Variants in STT3B observed in about 807,000 individuals in gnomAD.
STT3B encodes STT3 oligosaccharyltransferase complex catalytic subunit B, also known as dolichyl-diphosphooligosaccharide--protein glycosyltransferase subunit STT3B.
Under a neutral mutation model 96.8 loss-of-function variants are expected in STT3B, and 29 were observed. The observed-to-expected ratio is 0.30, with a 90% confidence interval of 0.22 to 0.41. The LOEUF (loss-of-function observed/expected upper bound fraction) is 0.41. Ranked by LOEUF, STT3B falls within the 10% of genes least tolerant of loss-of-function variation. The probability of loss-of-function intolerance (pLI) is 1.00; values close to 1 mark genes in which losing one functional copy is unlikely to be tolerated. For missense variants in STT3B, 640 were observed against 1,022.3 expected, an observed-to-expected ratio of 0.63 and a Z score of 5.10; for synonymous variants, 367 against 360.0, an observed-to-expected ratio of 1.02 and a Z score of -0.22.
chr3:31,597,222 C>T (rs778190165), intron 4 of STT3B, among the ~76,000 whole-genome samples: 37 of 152,090 alleles, frequency 2.4e-4, no homozygotes, highest in Admixed American at 2.0e-3. Flanking sequence ...TGCAGTGGCA[C>T]GATCTCAGCT....
In STT3B at chr3:31,541,226, T is replaced by C. The variant is rs115158231; in HGVS notation, c.314+7914T>C. On this transcript the variant is annotated intron_variant, in intron 1 of 15. Transcript: ENST00000295770. The stretch of plus-strand genomic sequence containing the variant: ...GAAGTATGACGCATCCTGAAAAATA[T>C]AAATCTAAAGTATAGTGAACACCCA... Among the ~76,000 whole-genome samples, 129 of 152,252 alleles carry C rather than the reference T, an allele frequency of 8.5e-4. 1 individual carries two copies. Among genetic ancestry groups the C allele is most frequent in the African/African-American group, 2.9e-3 (122 of 41,546 alleles).
intron 13 of STT3B, 97 bp downstream of exon 13, chr3:31,626,224 C>A: frequency 1.8e-6 from 2 of 1,139,230 alleles, no homozygotes; most frequent in South Asian, 1.5e-5. Context: ...TTTCATCATC[C>A]TATCCCTCAG....
intron 1 of STT3B, among the ~76,000 whole-genome samples, chr3:31,558,513 ATCATCCTTGCT>A (rs1475802921): frequency 6.6e-6 from 1 of 152,194 alleles, no homozygotes; most frequent in Admixed American, 6.5e-5. Context: ...TGTCTGTCGA[ATCATCCTTGCT>A]TCCCTGGTAT....
At chr3:31,566,724 T>C (rs1020623950) in intron 1 of STT3B, among the ~76,000 whole-genome samples, 4 of 152,132 alleles carry the variant, frequency 2.6e-5, no homozygotes, top group South Asian at 2.1e-4. Flanking sequence ...CCTTCCTCCT[T>C]CCCTTCTTCC....
At chr3:31,619,186 C>CT (rs1278098568) in intron 8 of STT3B, among the ~76,000 whole-genome samples, 1 of 151,972 alleles carries the variant, frequency 6.6e-6, no homozygotes. Flanking sequence ...CAACATGATG[C>CT]TAAAAGGAAA....
chr3:31,630,530 G>A (rs941158650), intron 14 of STT3B, among the ~76,000 whole-genome samples: 2 of 152,138 alleles, frequency 1.3e-5, no homozygotes, highest in African/African-American at 2.4e-5. Flanking sequence ...CATAATGTGC[G>A]CCGAACGTCT....
chr3:31,545,720 T>C (rs1312516813), intron 1 of STT3B, among the ~76,000 whole-genome samples: 1 of 152,172 alleles, frequency 6.6e-6, no homozygotes, highest in Admixed American at 6.5e-5. Context: ...CATATGTATA[T>C]ATCTGTAAAC....
rs150322361 is a variant in STT3B, at chr3:31,603,098, T to A, written c.877+2639T>A. ...TTCTCTCTCCCCTTGAGCAGAAATG[T>A]TTAGGTAAAAAAAAATAAGGATTGA... On this transcript the variant is annotated intron_variant, in intron 5 of 15. Transcript: ENST00000295770. Among the ~76,000 whole-genome samples the A allele has an allele frequency of 2.4e-3, 358 of 152,276 alleles. 3 individuals carry two copies. Among genetic ancestry groups the A allele is most frequent in the East Asian group, 0.019 (98 of 5,178 alleles).
At position 31,579,930 on chromosome 3, in the gene STT3B, C is replaced by A; in HGVS notation, c.545C>A (p.Ser182Tyr). 6.2e-7 allele frequency: 1 copy of A among 1,613,916 alleles called. No homozygotes were observed. The highest frequency in any genetic ancestry group is 8.5e-7 in the Non-Finnish European group (1 of 1,179,872). Residue 182 changes from serine to tyrosine, a missense_variant, in exon 3 of 16, where the codon TCT becomes TAT. Coordinates refer to ENST00000295770, the MANE Select transcript of STT3B (RefSeq NM_178862.3). ...GCACCAACTTTTAGCGGCCTTACAT[C>A]TATATCTACTTTCCTGCTTACAAGA... ...FLAPTFSGLT[S>Y]ISTFLLTREL...
At chr3:31,590,857 A>C (rs1391886951) in intron 3 of STT3B, among the ~76,000 whole-genome samples, 1 of 152,066 alleles carries the variant, frequency 6.6e-6, no homozygotes. Context: ...GTAAATATTT[A>C]CTATCTTGAC....
intron 9 of STT3B, among the ~76,000 whole-genome samples, chr3:31,621,002 A>G (rs1370620056): frequency 1.3e-5 from 2 of 152,240 alleles, no homozygotes; most frequent in Admixed American, 6.5e-5. Flanking sequence ...TCCTATGTAT[A>G]TATCTAAGAG....
At chr3:31,588,996 T>A (rs891216048) in intron 3 of STT3B, among the ~76,000 whole-genome samples, 1 of 152,064 alleles carries the variant, frequency 6.6e-6, no homozygotes, top group South Asian at 2.1e-4. Flanking sequence ...TCAAATTGAT[T>A]TGTTGATGTC....
rs1699761135 is a variant in STT3B at position 31,636,768 on chromosome 3, ATCAT to A, written c.*712_*715del. 1 of 152,200 alleles carries A rather than the reference ATCAT, an allele frequency of 6.6e-6. No homozygotes were observed. Among genetic ancestry groups the A allele is most frequent in the Non-Finnish European group, 1.5e-5 (1 of 68,024 alleles). The allele number at this position is 152,200 out of a possible 1,614,324, so 9.4% of individuals were successfully genotyped here. A position where few individuals can be genotyped will look rare whatever the true frequency, so the allele number is the denominator to read the frequency against. On this transcript the variant is annotated 3_prime_UTR_variant, in exon 16 of 16. Coordinates refer to ENST00000295770, the MANE Select transcript of STT3B (RefSeq NM_178862.3). ...GGTACTTACAGAGCAGATTTCATAC[ATCAT>A]TCATTCAAGGGCTAAATTTATATTT...
At chr3:31,608,777 G>C (rs939774236) in intron 5 of STT3B, among the ~76,000 whole-genome samples, 1 of 152,194 alleles carries the variant, frequency 6.6e-6, no homozygotes, top group African/African-American at 2.4e-5. Context: ...CATGGTATCA[G>C]TTAAATGAAT....
At chr3:31,582,563 GT>G (rs1698434178) in intron 3 of STT3B, among the ~76,000 whole-genome samples, 1 of 151,848 alleles carries the variant, frequency 6.6e-6, no homozygotes, top group Non-Finnish European at 1.5e-5. Flanking sequence ...AAAGTGCTAG[GT>G]TTACAGGCAT....
At chr3:31,570,252 A>C (rs1698106041) in intron 1 of STT3B, among the ~76,000 whole-genome samples, 1 of 152,194 alleles carries the variant, frequency 6.6e-6, no homozygotes, top group African/African-American at 2.4e-5. Flanking sequence ...TTAGCTAAGC[A>C]AGCATTAATT....
At chr3:31,535,338 T>TA (rs200066536) in intron 1 of STT3B, among the ~76,000 whole-genome samples, 15 of 146,690 alleles carry the variant, frequency 1.0e-4, no homozygotes, top group African/African-American at 3.2e-4. Flanking sequence ...TTTTTATTAT[T>TA]TTTTTTTTTT....
intron 5 of STT3B, among the ~76,000 whole-genome samples, chr3:31,610,206 A>G (rs1380086311): frequency 1.3e-5 from 2 of 152,204 alleles, no homozygotes; most frequent in African/African-American, 4.8e-5. Flanking sequence ...AAGAAATAAA[A>G]TATCTTTAGT....
intron 5 of STT3B, among the ~76,000 whole-genome samples, chr3:31,609,999 A>G (rs1214224531): frequency 1.3e-5 from 2 of 152,240 alleles, no homozygotes; most frequent in Non-Finnish European, 2.9e-5. Context: ...AACATAGTTT[A>G]TAATGAGCAT....
Sources: gnomAD v4.1 joint callset for allele counts (sites outside exome capture counted in the v4.1 genomes callset) on GRCh38, gnomAD v4.1.1 for gene constraint, MANE v1.5 for transcripts, NCBI Gene and HGNC (gene_info 2026-07-23, HGNC 2026-07-21) for gene names.